The following OR14J1 variants were observed in gnomAD, a reference collection of about 807,000 sequenced individuals.
The protein encoded by OR14J1 is olfactory receptor family 14 subfamily J member 1.
For missense variants in OR14J1, 378 were observed against 393.4 expected (o/e 0.96, Z 0.33); for synonymous variants, 140 against 146.7 (o/e 0.95, Z 0.33).
In OR14J1 at chr6:29,307,102, C is replaced by G; in HGVS notation, c.413C>G (p.Ala138Gly). The change falls in exon 2 of 2, where the codon GCC (alanine) becomes GGC (glycine). Residue 138 changes from alanine to glycine, a missense_variant. Ala to Gly is a moderately conservative substitution (Grantham distance 60, BLOSUM62 0). Transcript: ENST00000641895. ...LHYETIMDPR[A>G]CRHAVIAVWI... ...TATGAGACTATTATGGATCCCCGTG[C>G]CTGTAGGCATGCAGTGATAGCTGTG... 1 of 1,612,968 alleles carries G rather than the reference C, an allele frequency of 6.2e-7. No individual in the cohort carries two copies. Among genetic ancestry groups the G allele is most frequent in the Non-Finnish European group, 8.5e-7 (1 of 1,180,020 alleles).
Position 29,308,265 on chromosome 6 carries a change from A to G in OR14J1, c.*610A>G, listed in dbSNP as rs1775254845. Reference sequence around the variant, plus strand: ...TAGTTAAGCTCTGATTCAAATTAATATTTGTCTGACTCAAACAATAAGGTC... The same window carrying G: ...TAGTTAAGCTCTGATTCAAATTAATGTTTGTCTGACTCAAACAATAAGGTC... On this transcript the variant is annotated 3_prime_UTR_variant, in exon 2 of 2. Coordinates refer to ENST00000641895, the MANE Select transcript of OR14J1 (RefSeq NM_030946.2). The G allele has an allele frequency of 6.6e-6, 1 of 152,198 alleles. No individual in the cohort carries two copies. The highest frequency in any genetic ancestry group is 2.4e-5 in the African/African-American group (1 of 41,440). The allele number at this position is 152,198 out of a possible 1,614,324, so 9.4% of individuals were successfully genotyped here.
chr6:29,304,301 G>A (rs1774920542), intron 1 of OR14J1, among the ~76,000 whole-genome samples: 1 of 152,018 alleles, frequency 6.6e-6, no homozygotes. Context: ...AAAATTGAGG[G>A]TTTCAACATA....
chr6:29,304,396 CT>C (rs1394910464), intron 1 of OR14J1, among the ~76,000 whole-genome samples: 2 of 152,068 alleles, frequency 1.3e-5, no homozygotes, highest in African/African-American at 4.8e-5. Context: ...GAAAAAAATG[CT>C]TGGGGGAAAC....
rs750268499 is a variant in OR14J1, at chr6:29,307,611, C to T, written c.922C>T (p.Leu308Phe). ...ALRKMLSKEELPQRKMCLKAM... is the reference protein window; with the variant it reads ...ALRKMLSKEEFPQRKMCLKAM... ...GAGGAAGATGCTGTCAAAGGAAGAG[C>T]TTCCTCAGAGAAAAATGTGCTTAAA... The change falls in exon 2 of 2, where the codon CTT becomes TTT. Residue 308 changes from leucine (L) to phenylalanine (F), a missense_variant. Leu to Phe is a conservative substitution (Grantham distance 22). Transcript: ENST00000641895. 1.2e-6 allele frequency: 2 copies of T among 1,606,710 alleles called. No homozygotes were observed. The highest frequency in any genetic ancestry group is 4.5e-5 in the East Asian group (2 of 44,870).
rs1270672158 is a variant in OR14J1, at chr6:29,307,658, A to C, written c.*3A>C. 4 of 1,513,978 alleles carry C rather than the reference A, an allele frequency of 2.6e-6. No individual in the cohort carries two copies. In the Admixed American group the frequency reaches 5.5e-5, roughly 21 times the overall value. 93.8% of individuals were successfully genotyped at this position (1,513,978 alleles called of 1,614,324 possible). ...TAAAAGCCATGTTTAAACTCTGAAG[A>C]ACCATACAAATGAAAGGCATTGTTA... On this transcript the variant is annotated 3_prime_UTR_variant, in exon 2 of 2. Coordinates refer to ENST00000641895, the MANE Select transcript of OR14J1 (RefSeq NM_030946.2).
At chr6:29,303,346 G>C (rs1374719056) in intron 1 of OR14J1, among the ~76,000 whole-genome samples, 1 of 152,192 alleles carries the variant, frequency 6.6e-6, no homozygotes, top group Admixed American at 6.5e-5. Context: ...CCAGAACTAA[G>C]TGGCATAGAG....
chr6:29,304,393 A>G (rs1462077000), intron 1 of OR14J1, among the ~76,000 whole-genome samples: 1 of 152,204 alleles, frequency 6.6e-6, no homozygotes, highest in Non-Finnish European at 1.5e-5. Flanking sequence ...ACAGAAAAAA[A>G]TGCTTGGGGG....
At position 29,309,922 on chromosome 6, in the gene OR14J1, G is replaced by A. The variant is rs1233822344; in HGVS notation, c.*2267G>A. The A allele has an allele frequency of 1.3e-5, 2 of 152,214 alleles. No homozygotes were observed. The highest frequency in any genetic ancestry group is 2.9e-5 in the Non-Finnish European group (2 of 68,068). The allele number at this position is 152,214 out of a possible 1,614,324, so 9.4% of individuals were successfully genotyped here. On this transcript the variant is annotated 3_prime_UTR_variant, in exon 2 of 2. Coordinates refer to ENST00000641895, the MANE Select transcript of OR14J1 (RefSeq NM_030946.2). Reference sequence around the variant, plus strand: ...CTTGAACCTGGAGAATCCCAAAAGTGTCTGTTCACATCCTTCGCCCACATT... The same window carrying A: ...CTTGAACCTGGAGAATCCCAAAAGTATCTGTTCACATCCTTCGCCCACATT...
rs1189817913 is a variant in OR14J1, at chr6:29,312,805, A to C, written c.*5150A>C. The C allele has an allele frequency of 6.6e-6, 1 of 152,354 alleles. No homozygotes were observed. The highest frequency in any genetic ancestry group is 2.4e-5 in the African/African-American group (1 of 41,448). The allele number at this position is 152,354 out of a possible 1,614,324, so 9.4% of individuals were successfully genotyped here. A position where few individuals can be genotyped will look rare whatever the true frequency, so the allele number is the denominator to read the frequency against. ...GTAATCCCAGCACTTTGGGAGGCCG[A>C]GGTGGACGGATGACGAGGTCAGGAG... On this transcript the variant is annotated 3_prime_UTR_variant, in exon 2 of 2. Coordinates refer to ENST00000641895, the MANE Select transcript of OR14J1 (RefSeq NM_030946.2).
rs1267890092 is a variant in OR14J1, at chr6:29,309,632, A to G, written c.*1977A>G. On this transcript the variant is annotated 3_prime_UTR_variant, in exon 2 of 2. Transcript: ENST00000641895. ...TTTGATTCACATTTCTCTGATAACC[A>G]GTGATGATGAGCTTTTTTTCATATG... 5 of 152,222 alleles carry G rather than the reference A, an allele frequency of 3.3e-5. No homozygotes were observed. The highest frequency in any genetic ancestry group is 1.2e-4 in the African/African-American group (5 of 41,448). 9.4% of individuals were successfully genotyped at this position (152,222 alleles called of 1,614,324 possible).
chr6:29,311,300 A>G lies in OR14J1; in HGVS notation c.*3645A>G, dbSNP rs1442096934. On this transcript the variant is annotated 3_prime_UTR_variant, in exon 2 of 2. Coordinates refer to ENST00000641895, the MANE Select transcript of OR14J1 (RefSeq NM_030946.2). Reference sequence around the variant, plus strand: ...GATACATTCCATCAATATCTAGTTTATTGAGAGTTTTTAGCATGAAGGGCT... The same window carrying G: ...GATACATTCCATCAATATCTAGTTTGTTGAGAGTTTTTAGCATGAAGGGCT... 1 of 152,152 alleles carries G rather than the reference A, an allele frequency of 6.6e-6. No homozygotes were observed. Among genetic ancestry groups the G allele is most frequent in the Non-Finnish European group, 1.5e-5 (1 of 68,030 alleles). The allele number at this position is 152,152 out of a possible 1,614,324, so 9.4% of individuals were successfully genotyped here. A position where few individuals can be genotyped will look rare whatever the true frequency, so the allele number is the denominator to read the frequency against.
chr6:29,301,803 T>G lies in OR14J1; in HGVS notation c.-29+16T>G, dbSNP rs1774713677. The G allele has an allele frequency of 6.6e-6, 1 of 152,174 alleles. No individual in the cohort carries two copies. The allele number at this position is 152,174 out of a possible 1,614,324, so 9.4% of individuals were successfully genotyped here. ...ATCCACTCTGGTGAGTAAAACTTCT[T>G]CAAATTTTATGGAATTTATCCAACA... On this transcript the variant is annotated intron_variant, in intron 1 of 1. Coordinates refer to ENST00000641895, the MANE Select transcript of OR14J1 (RefSeq NM_030946.2).
At position 29,310,197 on chromosome 6, in the gene OR14J1, T is replaced by A. The variant is rs1249541474; in HGVS notation, c.*2542T>A. ...CATGAAGTCTCTGCCCATGCCTAAATCCTGAATGGTATTGCCTAGGTTTTC... is the reference window on the plus strand; with the variant it reads ...CATGAAGTCTCTGCCCATGCCTAAAACCTGAATGGTATTGCCTAGGTTTTC... On this transcript the variant is annotated 3_prime_UTR_variant, in exon 2 of 2. Transcript: ENST00000641895. 1 of 152,224 alleles carries A rather than the reference T, an allele frequency of 6.6e-6. No individual in the cohort carries two copies. Among genetic ancestry groups the A allele is most frequent in the African/African-American group, 2.4e-5 (1 of 41,458 alleles). 9.4% of individuals were successfully genotyped at this position (152,224 alleles called of 1,614,324 possible). A position where few individuals can be genotyped will look rare whatever the true frequency, so the allele number is the denominator to read the frequency against.
In OR14J1 at chr6:29,307,003, T is replaced by C; in HGVS notation, c.314T>C (p.Leu105Pro). 1.2e-6 allele frequency: 2 copies of C among 1,613,118 alleles called. No individual in the cohort carries two copies. The highest frequency in any genetic ancestry group is 1.7e-6 in the Non-Finnish European group (2 of 1,180,032). ...CTTCAGGTTTTCTTCTTCATAGCTC[T>C]GGCCTCATCAGAAGTGGCCATTCTC... ...CILQVFFFIA[L>P]ASSEVAILTV... is the part of the protein sequence containing the mutation. The change falls in exon 2 of 2, where the codon CTG becomes CCG. Residue 105 changes from leucine (L) to proline (P), a missense_variant. By Grantham distance (98) the Leu-to-Pro change is moderately conservative. Coordinates refer to ENST00000641895, the MANE Select transcript of OR14J1 (RefSeq NM_030946.2).
In OR14J1 at chr6:29,306,542, C is replaced by T. The variant is rs41270643; in HGVS notation, c.-28-120C>T. ...GTTTTTGAATTGAATATTAACTAATCGCAATGAAAATAAATTCATCTCATT... is the reference window on the plus strand; with the variant it reads ...GTTTTTGAATTGAATATTAACTAATTGCAATGAAAATAAATTCATCTCATT... On this transcript the variant is annotated intron_variant, in intron 1 of 1. Coordinates refer to ENST00000641895, the MANE Select transcript of OR14J1 (RefSeq NM_030946.2). 7.1e-3 allele frequency: 4,653 copies of T among 656,966 alleles called. 25 individuals are homozygous for T. The highest frequency in any genetic ancestry group is 0.01 in the Non-Finnish European group (3,797 of 369,886). The allele number at this position is 656,966 out of a possible 1,614,324, so 40.7% of individuals were successfully genotyped here.
rs1775193913 is a variant in OR14J1, at chr6:29,307,502, A to G, written c.813A>G (p.Val271=). 2 of 1,612,922 alleles carry G rather than the reference A, an allele frequency of 1.2e-6. No homozygotes were observed. The highest frequency in any genetic ancestry group is 2.7e-5 in the African/African-American group (2 of 74,998). The part of the protein sequence containing the change: ...PSDSSSTVDL[V]FSVFYTVIPP... ...ATTCCTCATCGACTGTGGACCTTGT[A>G]TTCTCCGTATTCTATACTGTGATAC... The change falls in exon 2 of 2, where the codon GTA becomes GTG. Residue 271 remains valine (V), a synonymous_variant. Transcript: ENST00000641895.
Position 29,308,936 on chromosome 6 carries a change from C to T in OR14J1, c.*1281C>T, listed in dbSNP as rs770356063. On this transcript the variant is annotated 3_prime_UTR_variant, in exon 2 of 2. Coordinates refer to ENST00000641895, the MANE Select transcript of OR14J1 (RefSeq NM_030946.2). ...ATGTGCAGAACTTGCAGGTTTGTTA[C>T]GTAGGTATATACATGCCATGGTGGT... The T allele has an allele frequency of 1.3e-5, 2 of 151,784 alleles. No homozygotes were observed. The highest frequency in any genetic ancestry group is 1.9e-4 in the East Asian group (1 of 5,182). 9.4% of individuals were successfully genotyped at this position (151,784 alleles called of 1,614,324 possible).
chr6:29,306,576 T>G (rs1302419409), intron 1 of OR14J1, 86 bp from the exon 2 acceptor site: 7 of 691,270 alleles, frequency 1.0e-5, no homozygotes, highest in Non-Finnish European at 1.5e-5. Context: ...TTTCAGTACC[T>G]CCTTGCTGAG....
At chr6:29,304,714 G>T (rs962152946) in intron 1 of OR14J1, among the ~76,000 whole-genome samples, 1 of 152,114 alleles carries the variant, frequency 6.6e-6, no homozygotes, top group Non-Finnish European at 1.5e-5. Flanking sequence ...AAAATAGGTT[G>T]GTGGGAGTTG....
Sources: gnomAD v4.1 joint callset for allele counts (sites outside exome capture counted in the v4.1 genomes callset) on GRCh38, gnomAD v4.1.1 for gene constraint, MANE v1.5 for transcripts, NCBI Gene and HGNC (gene_info 2026-07-23, HGNC 2026-07-21) for gene names.